Variants in NTRK2 observed in about 807,000 individuals in gnomAD.
NTRK2 encodes the protein BDNF/NT-3 growth factors receptor.
NTRK2 carries 13 observed loss-of-function variants against 94.5 expected under a neutral mutation model. The observed-to-expected ratio is 0.14, with a 90% CI of 0.09 to 0.22. The LOEUF (loss-of-function observed/expected upper bound fraction) is 0.22. NTRK2 is among the 10% of genes least tolerant of loss of function. The probability of loss-of-function intolerance (pLI) is 1.00; values close to 1 mark genes in which losing one functional copy is unlikely to be tolerated. For missense variants in NTRK2, 639 were observed against 1,071.2 expected (o/e 0.60, Z 5.63); for synonymous variants, 372 against 407.4 (o/e 0.91, Z 1.05).
intron 13 of NTRK2, among the ~76,000 whole-genome samples, chr9:84,863,909 C>T (rs2075447873): frequency 6.6e-6 from 1 of 152,184 alleles, no homozygotes; most frequent in South Asian, 2.1e-4. Context: ...ATCCTCCCCT[C>T]GCTCCCCAAA....
At chr9:84,832,681 A>G (rs2073629615) in intron 12 of NTRK2, among the ~76,000 whole-genome samples, 1 of 152,130 alleles carries the variant, frequency 6.6e-6, no homozygotes, top group Non-Finnish European at 1.5e-5. Context: ...GAAAACCCCA[A>G]ACCCCTTGAA....
chr9:84,806,043 T>C (rs2071072595), intron 12 of NTRK2, among the ~76,000 whole-genome samples: 1 of 152,202 alleles, frequency 6.6e-6, no homozygotes, highest in Admixed American at 6.5e-5. Context: ...GAAAACAGAC[T>C]AAGACAAATA....
intron 12 of NTRK2, chr9:84,811,500 G>T: frequency 9.4e-7 from 1 of 1,065,384 alleles, no homozygotes; most frequent in Non-Finnish European, 1.1e-6. Flanking sequence ...GAAGTCTGCC[G>T]AGTGAGAAGG....
intron 2 of NTRK2, among the ~76,000 whole-genome samples, chr9:84,678,338 A>G (rs1187353): frequency 0.57 from 86,814 of 152,086 alleles, 24,879 homozygotes; most frequent in Admixed American, 0.63. Context: ...CACTGTGTCT[A>G]TCTTCTGATT....
chr9:84,812,022 C>G lies in NTRK2; in HGVS notation c.1397-49018C>G. On this transcript the variant is annotated intron_variant, in intron 12 of 18. Coordinates refer to ENST00000277120, the MANE Select transcript of NTRK2 (RefSeq NM_006180.6). ...TGACAGTTAGACATGCACACAGACG[C>G]CATAGCTGGATTGGAAACATTGATG... is the stretch of plus-strand genomic sequence containing the variant. 3 of 1,059,060 alleles carry G rather than the reference C, an allele frequency of 2.8e-6. No homozygotes were observed. The Middle Eastern group carries it at 1.3e-3, about 448-fold the overall frequency. The allele number at this position is 1,059,060 out of a possible 1,614,324, so 65.6% of individuals were successfully genotyped here. A position where few individuals can be genotyped will look rare whatever the true frequency, so the allele number is the denominator to read the frequency against.
chr9:84,868,805 G>A (rs1179836329), intron 14 of NTRK2, among the ~76,000 whole-genome samples: 2 of 152,082 alleles, frequency 1.3e-5, no homozygotes, highest in African/African-American at 2.4e-5. Context: ...ACTGTGATGG[G>A]AGCATCTGTC....
chr9:84,868,015 A>G (rs1169513694), intron 14 of NTRK2, among the ~76,000 whole-genome samples: 1 of 152,224 alleles, frequency 6.6e-6, no homozygotes, highest in Non-Finnish European at 1.5e-5. Context: ...TCAAAAACAA[A>G]TTAACCCATT....
chr9:84,965,621 G>A (rs1287369801), intron 17 of NTRK2, among the ~76,000 whole-genome samples: 1 of 152,164 alleles, frequency 6.6e-6, no homozygotes, highest in African/African-American at 2.4e-5. Context: ...TTTTTGGGAG[G>A]ATGTAGAAGT....
At chr9:85,020,625 CATCTGATAAATTAA>C (rs1832702515) in intron 18 of NTRK2, among the ~76,000 whole-genome samples, 1 of 152,122 alleles carries the variant, frequency 6.6e-6, no homozygotes, top group Admixed American at 6.5e-5. Context: ...TTATGCAGCT[CATCTGATAAATTAA>C]TAGCAGACGT....
At chr9:84,689,839 G>T (rs1326340190) in intron 2 of NTRK2, among the ~76,000 whole-genome samples, 1 of 152,086 alleles carries the variant, frequency 6.6e-6, no homozygotes, top group Non-Finnish European at 1.5e-5. Flanking sequence ...CTGTCTCTAT[G>T]AATTTGACTG....
At position 84,701,547 on chromosome 9, in the gene NTRK2, G is replaced by A. The variant is rs1449839145; in HGVS notation, c.213-612G>A. 3.9e-5 allele frequency among the ~76,000 whole-genome samples: 6 copies of A among 152,216 alleles called. No homozygotes were observed. The South Asian group carries it at 1.0e-3, about 26-fold the overall frequency. Reference sequence around the variant, plus strand: ...GCTTAGGGGGTGGGGGAGGGAGGAGGTTCCCACGGAGAATGCGCTAAGGCC... The same window carrying A: ...GCTTAGGGGGTGGGGGAGGGAGGAGATTCCCACGGAGAATGCGCTAAGGCC... On this transcript the variant is annotated intron_variant, in intron 2 of 18. Coordinates refer to ENST00000277120, the MANE Select transcript of NTRK2 (RefSeq NM_006180.6).
At position 84,758,810 on chromosome 9, in the gene NTRK2, A is replaced by G. The variant is rs550188064; in HGVS notation, c.1396+6725A>G. ...CATTTTCATAGAGATGAATAATAAT[A>G]TTTTAAATTTCTTGTATCAGAAAGC... On this transcript the variant is annotated intron_variant, in intron 12 of 18. Coordinates refer to ENST00000277120, the MANE Select transcript of NTRK2 (RefSeq NM_006180.6). 2.0e-5 allele frequency among the ~76,000 whole-genome samples: 3 copies of G among 152,380 alleles called. No individual in the cohort carries two copies. The East Asian group carries it at 5.8e-4, about 29-fold the overall frequency.
At chr9:84,789,028 T>G (rs1262423992) in intron 12 of NTRK2, among the ~76,000 whole-genome samples, 4 of 152,130 alleles carry the variant, frequency 2.6e-5, no homozygotes, top group African/African-American at 4.8e-5. Flanking sequence ...GAAATTGCTT[T>G]TAAGGGCTTT....
intron 16 of NTRK2, among the ~76,000 whole-genome samples, chr9:84,952,179 T>C (rs1449453335): frequency 6.6e-6 from 1 of 152,216 alleles, no homozygotes; most frequent in African/African-American, 2.4e-5. Flanking sequence ...GGAAACTGAA[T>C]CACACAGGTA....
chr9:84,952,520 C>G (rs1394744539), intron 16 of NTRK2, among the ~76,000 whole-genome samples: 1 of 152,128 alleles, frequency 6.6e-6, no homozygotes, highest in African/African-American at 2.4e-5. Context: ...TAAGACTTCA[C>G]GAGGACCTGG....
At chr9:84,828,904 T>G (rs755343935) in intron 12 of NTRK2, among the ~76,000 whole-genome samples, 67 of 152,240 alleles carry the variant, frequency 4.4e-4, no homozygotes, top group Admixed American at 3.9e-4. Flanking sequence ...TAGTAGCTTG[T>G]TAGTGTTTAC....
intron 6 of NTRK2, among the ~76,000 whole-genome samples, chr9:84,711,824 C>T (rs2061435342): frequency 6.6e-6 from 1 of 152,156 alleles, no homozygotes; most frequent in Admixed American, 6.5e-5. Context: ...AGAAGACGGC[C>T]CTGACCCTTC....
intron 14 of NTRK2, among the ~76,000 whole-genome samples, chr9:84,909,718 T>C (rs11788184): frequency 0.13 from 19,671 of 152,140 alleles, 2,128 homozygotes; most frequent in African/African-American, 0.29. Flanking sequence ...GTCTTGCCAT[T>C]GTTTATATAT....
intron 2 of NTRK2, among the ~76,000 whole-genome samples, chr9:84,688,027 G>A (rs2131501142): frequency 6.6e-6 from 1 of 152,268 alleles, no homozygotes; most frequent in Admixed American, 6.5e-5. Context: ...TGCTGTACCT[G>A]GTGTGTGCAT....
Sources: allele counts gnomAD v4.1 joint callset (sites outside exome capture counted in the v4.1 genomes callset), GRCh38; gene constraint gnomAD v4.1.1; transcripts MANE v1.5; gene names NCBI Gene and HGNC (gene_info 2026-07-23, HGNC 2026-07-21).